SOCS2: variants seen among roughly 807,000 people sequenced by gnomAD.
SOCS2 encodes CIS-2.
Under a neutral mutation model 18.6 loss-of-function variants are expected in SOCS2, and 10 were observed. The ratio of observed to expected loss-of-function variants is 0.54; its 90% CI spans 0.33 to 0.91. SOCS2 has a LOEUF of 0.91. Among genes scored for constraint, SOCS2 ranks in the 40% least tolerant of loss-of-function variants. SOCS2 has a pLI of 0.02. For synonymous variants in SOCS2, 104 were observed against 104.0 expected (o/e 1.00, Z 0.00); for missense variants, 231 against 247.2 (o/e 0.93, Z 0.44).
At chr12:93,572,504 C>A, upstream of SOCS2, 2 of 388,392 alleles carry the variant, frequency 5.1e-6, no homozygotes, top group Non-Finnish European at 4.9e-6. The surrounding 1 kb of genome is among the most constrained non-coding windows in gnomAD (Gnocchi z 5.0). Context: ...TCTTGGATCT[C>A]TGCTCTCTTT....
At chr12:93,619,349 C>T in the SOCS2 span, among the ~76,000 whole-genome samples, 1 of 152,106 alleles carries the variant, frequency 6.6e-6, no homozygotes, top group Non-Finnish European at 1.5e-5. Flanking sequence ...ACTCTGGGGC[C>T]CCAGAACAGG....
At chr12:93,621,902 G>A in the SOCS2 span, among the ~76,000 whole-genome samples, 1 of 152,326 alleles carries the variant, frequency 6.6e-6, no homozygotes, top group Admixed American at 6.5e-5. Flanking sequence ...CACCAAAGTG[G>A]TGAAGCGAGC....
At chr12:93,624,246 G>C in the SOCS2 span, among the ~76,000 whole-genome samples, 1 of 152,280 alleles carries the variant, frequency 6.6e-6, no homozygotes, top group East Asian at 1.9e-4. Flanking sequence ...CCAGCGCTTT[G>C]ACTTTGGACT....
At chr12:93,583,393 C>A (rs1954563980) in exon 2 of SOCS2, 1 of 151,610 alleles carries the variant, frequency 6.6e-6, no homozygotes, top group Non-Finnish European at 1.5e-5. Context: ...ATCTGTCAGG[C>A]AATTAAGAAA....
upstream of SOCS2, chr12:93,572,219 G>C (rs1349909691): frequency 5.7e-6 from 1 of 174,882 alleles, no homozygotes; most frequent in East Asian, 1.9e-4. The surrounding 1 kb of genome is among the most constrained non-coding windows in gnomAD (Gnocchi z 5.0). Context: ...GCGCTTTAGG[G>C]CGGAGAACCA....
intron 1 of SOCS2, chr12:93,573,351 G>T: frequency 2.0e-6 from 1 of 504,024 alleles, no homozygotes; most frequent in Non-Finnish European, 3.5e-6. Flanking sequence ...CCCCGGCCGG[G>T]GAAAGCGTCG....
At chr12:93,613,953 C>A in the SOCS2 span, among the ~76,000 whole-genome samples, 3 of 152,150 alleles carry the variant, frequency 2.0e-5, no homozygotes, top group African/African-American at 7.2e-5. Context: ...ACTTCAAAGC[C>A]AAGTATAAAA....
At chr12:93,588,897 C>T in the SOCS2 span, among the ~76,000 whole-genome samples, 1 of 152,156 alleles carries the variant, frequency 6.6e-6, no homozygotes, top group African/African-American at 2.4e-5. Flanking sequence ...GCTGGGATTA[C>T]AGGCGTGAGC....
the SOCS2 span, among the ~76,000 whole-genome samples, chr12:93,622,255 G>A: frequency 6.6e-6 from 1 of 152,176 alleles, no homozygotes; most frequent in Non-Finnish European, 1.5e-5. Flanking sequence ...TGATTCTGTG[G>A]GGATGATGTC....
chr12:93,622,790 A>C, the SOCS2 span, among the ~76,000 whole-genome samples: 1 of 152,170 alleles, frequency 6.6e-6, no homozygotes, highest in South Asian at 2.1e-4. Context: ...AAATCGCTCA[A>C]GCACACACAC....
the SOCS2 span, among the ~76,000 whole-genome samples, chr12:93,608,120 A>T: frequency 1.1e-4 from 16 of 143,638 alleles, no homozygotes; most frequent in South Asian, 1.8e-3. Flanking sequence ...CCTGCCTCAA[A>T]CTCCTCAAAC....
the SOCS2 span, among the ~76,000 whole-genome samples, chr12:93,600,922 G>T: frequency 6.6e-6 from 1 of 151,500 alleles, no homozygotes; most frequent in African/African-American, 2.4e-5. Context: ...CCAAGTAGCT[G>T]GGACTACGAT....
chr12:93,597,963 T>C, the SOCS2 span, among the ~76,000 whole-genome samples: 1 of 152,232 alleles, frequency 6.6e-6, no homozygotes, highest in African/African-American at 2.4e-5. Context: ...CAAATATATA[T>C]TGAGTGCCTA....
chr12:93,591,752 A>G, the SOCS2 span, among the ~76,000 whole-genome samples: 1 of 152,294 alleles, frequency 6.6e-6, no homozygotes, highest in South Asian at 2.1e-4. Flanking sequence ...AGGCTGACCA[A>G]CGTCAAGGCG....
chr12:93,604,961 T>C, the SOCS2 span, among the ~76,000 whole-genome samples: 247 of 149,688 alleles, frequency 1.7e-3, no homozygotes, highest in Non-Finnish European at 2.4e-3. Flanking sequence ...TGTGCCGGCC[T>C]GGATTTTTTT....
At chr12:93,604,426 T>C in the SOCS2 span, among the ~76,000 whole-genome samples, 6 of 152,198 alleles carry the variant, frequency 3.9e-5, no homozygotes, top group Non-Finnish European at 7.3e-5. Flanking sequence ...GCTTGAGTTT[T>C]ATTGTTCAAA....
At chr12:93,606,845 G>A in the SOCS2 span, among the ~76,000 whole-genome samples, 1 of 152,206 alleles carries the variant, frequency 6.6e-6, no homozygotes, top group East Asian at 1.9e-4. Flanking sequence ...TAGAAATGGG[G>A]CTTTGCCATG....
chr12:93,599,362 A>G, the SOCS2 span, among the ~76,000 whole-genome samples: 1 of 151,976 alleles, frequency 6.6e-6, no homozygotes, highest in Non-Finnish European at 1.5e-5. Context: ...GGGTCTTGCA[A>G]TGTTGCCCAG....
At chr12:93,571,542 C>CCCTCCCTCCCTCTCTCCTTCCCA (rs1236228827), upstream of SOCS2, 4 of 168,240 alleles carry the variant, frequency 2.4e-5, no homozygotes, top group Non-Finnish European at 5.2e-5. Flanking sequence ...GCTCCTTCCT[C>CCCTCCCTCCCTCTCTCCTTCCCA]CCTCCCTCCC....
Sources: allele counts gnomAD v4.1 joint callset (sites outside exome capture counted in the v4.1 genomes callset), GRCh38; gene constraint gnomAD v4.1.1; non-coding constraint Gnocchi (gnomAD v3.1); transcripts MANE v1.5; gene names NCBI Gene and HGNC (gene_info 2026-07-23, HGNC 2026-07-21).